KCTD8: variants seen among roughly 807,000 people sequenced by gnomAD.
KCTD8 encodes the protein BTB/POZ domain-containing protein KCTD8.
A neutral mutation model predicts 31.5 loss-of-function variants in KCTD8; 27 were observed. The ratio of observed to expected loss-of-function variants is 0.86; its 90% CI spans 0.63 to 1.18. KCTD8 has a LOEUF of 1.18. KCTD8 is among the 50% of genes most tolerant of loss of function. KCTD8 has a pLI of 0.00. For missense variants in KCTD8, 658 were observed against 647.7 expected (o/e 1.02, Z -0.17); for synonymous variants, 290 against 280.0 (o/e 1.04, Z -0.36).
intron 1 of KCTD8, among the ~76,000 whole-genome samples, chr4:44,225,966 G>A (rs925915807): frequency 2.0e-5 from 3 of 151,724 alleles, no homozygotes; most frequent in South Asian, 2.1e-4. Context: ...GACTACAGGT[G>A]TCCGCCATCA....
At chr4:44,249,894 T>C (rs1395197844) in intron 1 of KCTD8, among the ~76,000 whole-genome samples, 9 of 151,738 alleles carry the variant, frequency 5.9e-5, no homozygotes, top group Admixed American at 2.0e-4. Context: ...TTCCCTTTCA[T>C]TCCCTCCAGA....
At chr4:44,412,795 A>G (rs187721026) in intron 1 of KCTD8, among the ~76,000 whole-genome samples, 3 of 152,274 alleles carry the variant, frequency 2.0e-5, no homozygotes, top group Admixed American at 6.5e-5. Context: ...TGATGCTATC[A>G]TTTTTCTAGG....
intron 1 of KCTD8, among the ~76,000 whole-genome samples, chr4:44,393,490 T>G (rs1720421313): frequency 6.6e-6 from 1 of 150,764 alleles, no homozygotes; most frequent in Admixed American, 6.6e-5. Flanking sequence ...GTATTATATT[T>G]CCAAACAGAA....
intron 1 of KCTD8, among the ~76,000 whole-genome samples, chr4:44,287,741 C>A (rs1464331142): frequency 6.6e-6 from 1 of 152,120 alleles, no homozygotes; most frequent in Non-Finnish European, 1.5e-5. Flanking sequence ...ACTAATTTAC[C>A]ACTGTAACTT....
intron 1 of KCTD8, among the ~76,000 whole-genome samples, chr4:44,202,732 C>T (rs1470482576): frequency 6.6e-6 from 1 of 151,958 alleles, no homozygotes; most frequent in Non-Finnish European, 1.5e-5. Context: ...TCATTACACC[C>T]ACATAACAAA....
At chr4:44,209,897 A>C (rs1714432149) in intron 1 of KCTD8, among the ~76,000 whole-genome samples, 1 of 152,162 alleles carries the variant, frequency 6.6e-6, no homozygotes, top group Non-Finnish European at 1.5e-5. Flanking sequence ...TAAAAATGTA[A>C]AATTAGCTAA....
chr4:44,272,582 G>T (rs1716645358), intron 1 of KCTD8, among the ~76,000 whole-genome samples: 1 of 151,990 alleles, frequency 6.6e-6, no homozygotes, highest in African/African-American at 2.4e-5. Context: ...CATTCTTAAA[G>T]AATTTTTGGT....
At chr4:44,267,642 C>T (rs149931735) in intron 1 of KCTD8, among the ~76,000 whole-genome samples, 6,817 of 151,820 alleles carry the variant, frequency 0.045, 370 homozygotes, top group East Asian at 0.16. Flanking sequence ...ATTGATAGAC[C>T]GCTAGCAAGA....
At chr4:44,340,597 C>T (rs1409585154) in intron 1 of KCTD8, among the ~76,000 whole-genome samples, 1 of 151,980 alleles carries the variant, frequency 6.6e-6, no homozygotes, top group African/African-American at 2.4e-5. Context: ...GCGTGAGCCA[C>T]CACGCCCGGC....
At chr4:44,293,372 C>A (rs1355794769) in intron 1 of KCTD8, 3 of 424,122 alleles carry the variant, frequency 7.1e-6, no homozygotes, top group Admixed American at 3.1e-5. Flanking sequence ...ATTAATTTAT[C>A]TGCCATACTT....
intron 1 of KCTD8, among the ~76,000 whole-genome samples, chr4:44,238,366 T>C (rs1026669939): frequency 6.6e-6 from 1 of 152,186 alleles, no homozygotes; most frequent in African/African-American, 2.4e-5. Context: ...CTGGTTGTGA[T>C]GTATTCATGG....
intron 1 of KCTD8, among the ~76,000 whole-genome samples, chr4:44,185,959 G>A (rs1192063051): frequency 6.6e-6 from 1 of 152,162 alleles, no homozygotes; most frequent in African/African-American, 2.4e-5. Flanking sequence ...GAGGAAAAGG[G>A]CGGGGTCCCT....
intron 1 of KCTD8, among the ~76,000 whole-genome samples, chr4:44,336,042 T>C (rs1044961296): frequency 1.5e-4 from 21 of 143,578 alleles, no homozygotes; most frequent in East Asian, 4.1e-4. Context: ...CCCAGCTACT[T>C]GGGAGGCTGA....
chr4:44,382,645 G>A (rs770078511), intron 1 of KCTD8, among the ~76,000 whole-genome samples: 3 of 151,292 alleles, frequency 2.0e-5, no homozygotes, highest in Admixed American at 6.6e-5. Flanking sequence ...CAGAAGAATC[G>A]TTTGAACTCG....
At chr4:44,213,038 C>T (rs1364560332) in intron 1 of KCTD8, among the ~76,000 whole-genome samples, 4 of 152,148 alleles carry the variant, frequency 2.6e-5, no homozygotes, top group South Asian at 2.1e-4. Context: ...CCCCTGTTCA[C>T]GCCATCCTCC....
At chr4:44,240,811 A>G (rs935989093) in intron 1 of KCTD8, among the ~76,000 whole-genome samples, 3 of 152,206 alleles carry the variant, frequency 2.0e-5, no homozygotes. Flanking sequence ...TGATCAAAAT[A>G]ACACATTTAG....
intron 1 of KCTD8, among the ~76,000 whole-genome samples, chr4:44,341,263 G>C (rs138094042): frequency 0.01 from 1,546 of 152,252 alleles, 22 homozygotes; most frequent in African/African-American, 0.036. Flanking sequence ...TCCTTTTGCT[G>C]GTGGAGGATC....
chr4:44,328,995 C>A (rs1251406675), intron 1 of KCTD8, among the ~76,000 whole-genome samples: 1 of 151,832 alleles, frequency 6.6e-6, no homozygotes, highest in African/African-American at 2.4e-5. Flanking sequence ...ATCTACATAA[C>A]TGACAGATTA....
chr4:44,414,547 A>G (rs1384006395), intron 1 of KCTD8, among the ~76,000 whole-genome samples: 1 of 152,058 alleles, frequency 6.6e-6, no homozygotes, highest in Non-Finnish European at 1.5e-5. Flanking sequence ...CCTGACAAAA[A>G]CTGGGTGGCC....
Sources: allele counts gnomAD v4.1 joint callset (sites outside exome capture counted in the v4.1 genomes callset), GRCh38; gene constraint gnomAD v4.1.1; transcripts MANE v1.5; gene names NCBI Gene and HGNC (gene_info 2026-07-23, HGNC 2026-07-21).